The following VAV1 variants were observed in gnomAD, a reference collection of about 807,000 sequenced individuals.
VAV1 encodes the protein proto-oncogene vav.
Under a neutral mutation model 128.1 loss-of-function variants are expected in VAV1, and 33 were observed. The ratio of observed to expected loss-of-function variants is 0.26; its 90% CI spans 0.20 to 0.34. VAV1 has a LOEUF of 0.34. Among genes scored for constraint, VAV1 ranks in the 10% least tolerant of loss-of-function variants. VAV1 has a pLI of 1.00. For missense variants in VAV1, 715 were observed against 1,093.7 expected (o/e 0.65, Z 4.88); for synonymous variants, 394 against 409.8 (o/e 0.96, Z 0.47).
At chr19:6,773,380 T>C (rs2144678559) in intron 1 of VAV1, among the ~76,000 whole-genome samples, 1 of 152,260 alleles carries the variant, frequency 6.6e-6, no homozygotes, top group African/African-American at 2.4e-5. Flanking sequence ...TTGGGTTACC[T>C]GAGGCTTTGG....
chr19:6,801,128 G>A (rs1971258272), intron 1 of VAV1, among the ~76,000 whole-genome samples: 1 of 152,156 alleles, frequency 6.6e-6, no homozygotes, highest in Admixed American at 6.6e-5. Flanking sequence ...GCCCTGTAAG[G>A]GCAGAGCTCT....
At chr19:6,844,587 T>C (rs1972470066) in intron 22 of VAV1, among the ~76,000 whole-genome samples, 1 of 152,120 alleles carries the variant, frequency 6.6e-6, no homozygotes, top group African/African-American at 2.4e-5. Flanking sequence ...AAAATGTGCA[T>C]CTGTGGCGTC....
chr19:6,796,025 G>A (rs1043046231), intron 1 of VAV1, among the ~76,000 whole-genome samples: 1 of 152,082 alleles, frequency 6.6e-6, no homozygotes, highest in Non-Finnish European at 1.5e-5. Context: ...TCTTGTGACC[G>A]TCTCTGCCAT....
chr19:6,821,761 C>G, intron 3 of VAV1, 30 bp from the exon 4 acceptor site: 1 of 1,613,652 alleles, frequency 6.2e-7, no homozygotes, highest in East Asian at 2.2e-5. Context: ...AGCCCCCAGG[C>G]CCCTGGCTCA....
At position 6,828,277 on chromosome 19, in the gene VAV1, G is replaced by T; in HGVS notation, c.1023+106G>T. On this transcript the variant is annotated intron_variant, in intron 10 of 26. Transcript: ENST00000602142. This position sits in a 1 kb window ranked among gnomAD's most constrained non-coding sequence, Gnocchi z 4.5. ...GGGGTTGGGTCTCTAGGACGCTCGGGGATGGGTCACTGGGGTCATGTCTCA... is the reference window on the plus strand; with the variant it reads ...GGGGTTGGGTCTCTAGGACGCTCGGTGATGGGTCACTGGGGTCATGTCTCA... The T allele has an allele frequency of 1.3e-6, 2 of 1,510,122 alleles. No homozygotes were observed. The highest frequency in any genetic ancestry group is 1.8e-6 in the Non-Finnish European group (2 of 1,099,676). The allele number at this position is 1,510,122 out of a possible 1,614,324, so 93.5% of individuals were successfully genotyped here.
In VAV1 at chr19:6,787,892, C is replaced by T. The variant is rs149661002; in HGVS notation, c.204+14881C>T. 2.6e-3 allele frequency among the ~76,000 whole-genome samples: 395 copies of T among 151,970 alleles called. 3 individuals are homozygous for T. The highest frequency in any genetic ancestry group is 8.0e-3 in the African/African-American group (330 of 41,486). On this transcript the variant is annotated intron_variant, in intron 1 of 26. Coordinates refer to ENST00000602142, the MANE Select transcript of VAV1 (RefSeq NM_005428.4). ...GAGATCGAGACCATCCTGGCTAACA[C>T]GGTGAAACCCCGTCTCTACTAAAAA...
intron 22 of VAV1, among the ~76,000 whole-genome samples, chr19:6,847,518 T>G: frequency 6.6e-6 from 1 of 152,166 alleles, no homozygotes; most frequent in Non-Finnish European, 1.5e-5. Context: ...CTTTATTCAT[T>G]TTGATTTCTA....
At chr19:6,833,501 C>T in intron 16 of VAV1, 27 bp from the exon 17 acceptor site, 1 of 1,568,838 alleles carries the variant, frequency 6.4e-7, no homozygotes, top group Middle Eastern at 1.9e-4. Flanking sequence ...GTCACTCGCT[C>T]TTCTTTATGT....
chr19:6,806,397 T>G (rs982753713), intron 1 of VAV1, among the ~76,000 whole-genome samples: 1 of 152,216 alleles, frequency 6.6e-6, no homozygotes, highest in African/African-American at 2.4e-5. Context: ...CAATTTTTTT[T>G]AATGAAAATA....
At chr19:6,773,238 G>A (rs1411940441) in intron 1 of VAV1, among the ~76,000 whole-genome samples, 5 of 152,118 alleles carry the variant, frequency 3.3e-5, no homozygotes, top group African/African-American at 9.7e-5. Flanking sequence ...GAGTTGGCCC[G>A]CATCTGGGCT....
intron 21 of VAV1, among the ~76,000 whole-genome samples, chr19:6,838,347 C>G (rs960835972): frequency 8.7e-5 from 13 of 150,284 alleles, no homozygotes; most frequent in Non-Finnish European, 1.3e-4. Context: ...GTCTATCTAT[C>G]CATGTACCTA....
chr19:6,788,709 T>G (rs1295231374), intron 1 of VAV1, among the ~76,000 whole-genome samples: 5 of 151,878 alleles, frequency 3.3e-5, no homozygotes, highest in Non-Finnish European at 7.4e-5. Context: ...AGGTGGGAGG[T>G]GGCTGGTCAC....
intron 1 of VAV1, among the ~76,000 whole-genome samples, chr19:6,795,129 CACTT>C (rs1239965589): frequency 2.6e-5 from 4 of 152,138 alleles, no homozygotes; most frequent in Admixed American, 1.3e-4. Flanking sequence ...CACGCAGTGT[CACTT>C]ACAGCAGTTT....
In VAV1 at chr19:6,855,018, G is replaced by A. The variant is rs140755971; in HGVS notation, c.2484+920G>A. Reference sequence around the variant, plus strand: ...TGCTCACTTTGCCTGCTTGAATTCCGATTCCAAGGAGTGGAATAGACTTCA... The same window carrying A: ...TGCTCACTTTGCCTGCTTGAATTCCAATTCCAAGGAGTGGAATAGACTTCA... On this transcript the variant is annotated intron_variant, in intron 26 of 26. Coordinates refer to ENST00000602142, the MANE Select transcript of VAV1 (RefSeq NM_005428.4). Among the ~76,000 whole-genome samples, 72 of 152,276 alleles carry A rather than the reference G, an allele frequency of 4.7e-4. 1 individual carries two copies. The highest frequency in any genetic ancestry group is 1.7e-3 in the African/African-American group (70 of 41,560).
intron 1 of VAV1, among the ~76,000 whole-genome samples, chr19:6,811,496 A>G (rs1971510823): frequency 6.6e-6 from 1 of 152,104 alleles, no homozygotes; most frequent in African/African-American, 2.4e-5. Flanking sequence ...ACATCATGTT[A>G]AGGGAGGCTG....
At chr19:6,833,417 C>T in intron 16 of VAV1, 111 bp from the exon 17 acceptor site, 1 of 1,379,660 alleles carries the variant, frequency 7.2e-7, no homozygotes, top group Non-Finnish European at 9.9e-7. Flanking sequence ...GCTTCTCCGT[C>T]ACTCTCCTGA....
At chr19:6,799,978 TG>T (rs2144729100) in intron 1 of VAV1, among the ~76,000 whole-genome samples, 2 of 152,024 alleles carry the variant, frequency 1.3e-5, no homozygotes, top group East Asian at 3.9e-4. Flanking sequence ...ATATATCGTA[TG>T]ATAGGTGCAT....
intron 1 of VAV1, among the ~76,000 whole-genome samples, chr19:6,805,377 A>C (rs1195228051): frequency 6.6e-6 from 1 of 151,914 alleles, no homozygotes; most frequent in Non-Finnish European, 1.5e-5. Flanking sequence ...GCGAGTTGAG[A>C]TCATAATACT....
intron 1 of VAV1, among the ~76,000 whole-genome samples, chr19:6,789,260 C>CTTTTTTTTTTTTTTTTTT (rs771682522): frequency 5.7e-4 from 83 of 144,946 alleles, no homozygotes; most frequent in African/African-American, 2.1e-3. Context: ...CTCCTTTCTT[C>CTTTTTTTTTTTTTTTTTT]TTTTTTTTTT....
Sources: allele counts gnomAD v4.1 joint callset (sites outside exome capture counted in the v4.1 genomes callset), GRCh38; gene constraint gnomAD v4.1.1; non-coding constraint Gnocchi (gnomAD v3.1); transcripts MANE v1.5; gene names NCBI Gene and HGNC (gene_info 2026-07-23, HGNC 2026-07-21).